The following DOK6 variants were observed in gnomAD, a reference collection of about 807,000 sequenced individuals.
The protein encoded by DOK6 is downstream of tyrosine kinase 6.
A neutral mutation model predicts 44.0 loss-of-function variants in DOK6; 22 were observed. The observed-to-expected ratio is 0.50, with a 90% CI of 0.36 to 0.71. DOK6 has a LOEUF of 0.71. Among genes scored for constraint, DOK6 ranks in the 30% least tolerant of loss-of-function variants. DOK6 has a pLI of 0.00. For missense variants in DOK6, 340 were observed against 416.4 expected, an observed-to-expected ratio of 0.82 and a Z score of 1.60; for synonymous variants, 166 against 145.5, an observed-to-expected ratio of 1.14 and a Z score of -1.01.
At chr18:69,762,532 T>C (rs899844608) in intron 7 of DOK6, among the ~76,000 whole-genome samples, 6 of 152,190 alleles carry the variant, frequency 3.9e-5, no homozygotes, top group African/African-American at 1.4e-4. Context: ...CAGGTAGCAC[T>C]GAGGAATACA....
Position 69,774,075 on chromosome 18 carries a change from A to G in DOK6, c.856+16202A>G, listed in dbSNP as rs1196800026. 4.2e-5 allele frequency among the ~76,000 whole-genome samples: 6 copies of G among 144,220 alleles called. No homozygotes were observed. The East Asian group carries it at 8.0e-4, about 19-fold the overall frequency. The allele number at this position is 144,220 out of a possible 152,430, so 94.6% of individuals were successfully genotyped here. ...GATATATATATATAGATATATATAT[A>G]TGAGATAGATTTATATAGATATATA... On this transcript the variant is annotated intron_variant, in intron 7 of 7. Coordinates refer to ENST00000382713, the MANE Select transcript of DOK6 (RefSeq NM_152721.6).
intron 3 of DOK6, among the ~76,000 whole-genome samples, chr18:69,620,801 G>A (rs1046250029): frequency 8.5e-5 from 13 of 152,132 alleles, no homozygotes; most frequent in African/African-American, 2.4e-4. Context: ...ATTGAGGCAC[G>A]CCTGTAAACC....
intron 2 of DOK6, among the ~76,000 whole-genome samples, chr18:69,572,799 G>A (rs1983146138): frequency 6.6e-6 from 1 of 151,934 alleles, no homozygotes; most frequent in Admixed American, 6.6e-5. Flanking sequence ...TAATATGAAA[G>A]CAAAGAGACC....
In DOK6 at chr18:69,401,166, C is replaced by A. The variant is rs1415297941; in HGVS notation, c.-79C>A. 6 of 1,396,646 alleles carry A rather than the reference C, an allele frequency of 4.3e-6. No individual in the cohort carries two copies. Among genetic ancestry groups the A allele is most frequent in the Middle Eastern group, 1.9e-4 (1 of 5,284 alleles). The allele number at this position is 1,396,646 out of a possible 1,614,324, so 86.5% of individuals were successfully genotyped here. On this transcript the variant is annotated 5_prime_UTR_variant, in exon 1 of 8. Coordinates refer to ENST00000382713, the MANE Select transcript of DOK6 (RefSeq NM_152721.6). ...GCGGCGGCCGGCTGGATGCGAGACCCGCGCAGACCCGGCGGCGGACGGCGG... is the reference window on the plus strand; with the variant it reads ...GCGGCGGCCGGCTGGATGCGAGACCAGCGCAGACCCGGCGGCGGACGGCGG...
chr18:69,605,677 C>T (rs1024530637), intron 3 of DOK6, among the ~76,000 whole-genome samples: 1 of 151,964 alleles, frequency 6.6e-6, no homozygotes, highest in African/African-American at 2.4e-5. Flanking sequence ...AAAAGTATTT[C>T]ACAATATTCA....
At chr18:69,579,781 A>C (rs966185841) in intron 2 of DOK6, among the ~76,000 whole-genome samples, 2 of 151,996 alleles carry the variant, frequency 1.3e-5, no homozygotes, top group Non-Finnish European at 2.9e-5. Flanking sequence ...CGGGATTTTC[A>C]GCATGTTGGC....
chr18:69,601,708 A>G (rs1244418674), intron 3 of DOK6, among the ~76,000 whole-genome samples: 2 of 152,214 alleles, frequency 1.3e-5, no homozygotes, highest in African/African-American at 4.8e-5. Context: ...AGAATTTTAA[A>G]ATAAAACTCC....
chr18:69,606,753 A>T (rs1984005317), intron 3 of DOK6, among the ~76,000 whole-genome samples: 1 of 120,798 alleles, frequency 8.3e-6, no homozygotes, highest in Non-Finnish European at 1.7e-5. Flanking sequence ...AAGATTCAAA[A>T]AGGATTTTTT....
chr18:69,529,874 A>T (rs143706091), intron 1 of DOK6, among the ~76,000 whole-genome samples: 1 of 152,308 alleles, frequency 6.6e-6, no homozygotes, highest in African/African-American at 2.4e-5. Flanking sequence ...ATGTATAATA[A>T]TGATATGTTA....
chr18:69,703,140 C>A (rs1986558628), intron 5 of DOK6, among the ~76,000 whole-genome samples: 1 of 151,918 alleles, frequency 6.6e-6, no homozygotes, highest in Non-Finnish European at 1.5e-5. Context: ...TTCCTAAACA[C>A]TTTGTCTTGG....
intron 5 of DOK6, among the ~76,000 whole-genome samples, chr18:69,708,010 C>T (rs1986673904): frequency 6.6e-6 from 1 of 152,110 alleles, no homozygotes; most frequent in Admixed American, 6.6e-5. Flanking sequence ...CGGATGGTTC[C>T]TTCTTAGCGG....
chr18:69,631,267 G>A (rs1984684796), intron 3 of DOK6, among the ~76,000 whole-genome samples: 1 of 152,156 alleles, frequency 6.6e-6, no homozygotes, highest in South Asian at 2.1e-4. Context: ...CTCCATTAGG[G>A]ATTTGGAGAT....
At chr18:69,708,187 T>G (rs1599276206) in intron 5 of DOK6, among the ~76,000 whole-genome samples, 1 of 152,280 alleles carries the variant, frequency 6.6e-6, no homozygotes, top group Admixed American at 6.5e-5. Flanking sequence ...GTAAACAGAT[T>G]TAAATTTTAG....
chr18:69,634,960 TCTTA>T (rs1353672676), intron 3 of DOK6, among the ~76,000 whole-genome samples: 1 of 152,218 alleles, frequency 6.6e-6, no homozygotes, highest in African/African-American at 2.4e-5. Flanking sequence ...GTAATCTCCT[TCTTA>T]ATTTTCTCCA....
At chr18:69,485,318 A>G (rs940260893) in intron 1 of DOK6, among the ~76,000 whole-genome samples, 1 of 152,168 alleles carries the variant, frequency 6.6e-6, no homozygotes, top group South Asian at 2.1e-4. Context: ...AGTGCTTTCT[A>G]TATCATATAT....
chr18:69,739,198 C>G lies in DOK6; in HGVS notation c.738+95C>G. On this transcript the variant is annotated intron_variant, in intron 6 of 7. Transcript: ENST00000382713. ...ATGTGTGGGGCCATTCATGTCAGCG[C>G]CTGGGTGTCCACCCTGCCCTGATCC... The G allele has an allele frequency of 2.0e-6, 3 of 1,527,278 alleles. No homozygotes were observed. The South Asian group carries it at 3.7e-5, about 19-fold the overall frequency. The allele number at this position is 1,527,278 out of a possible 1,614,324, so 94.6% of individuals were successfully genotyped here.
intron 1 of DOK6, among the ~76,000 whole-genome samples, chr18:69,541,650 A>G (rs1982272033): frequency 6.6e-6 from 1 of 151,530 alleles, no homozygotes; most frequent in Admixed American, 6.6e-5. Flanking sequence ...TGTTTGACAT[A>G]CAAAGTTTTA....
At chr18:69,610,533 T>C (rs1028815821) in intron 3 of DOK6, among the ~76,000 whole-genome samples, 2 of 152,212 alleles carry the variant, frequency 1.3e-5, no homozygotes, top group Non-Finnish European at 2.9e-5. Flanking sequence ...GAATTCTAAT[T>C]AAATCCTTTG....
At position 69,599,443 on chromosome 18, in the gene DOK6, T is replaced by C. The variant is rs149422364; in HGVS notation, c.234T>C (p.His78=). Residue 78 remains histidine (H), a synonymous_variant, in exon 3 of 8, where the codon CAT becomes CAC. Coordinates refer to ENST00000382713, the MANE Select transcript of DOK6 (RefSeq NM_152721.6). Reference sequence around the variant, plus strand: ...GACTGCCCCGAGAGACAAAGAAGCATGCGGTGGCAATCATCTTTCACGATG... The same window carrying C: ...GACTGCCCCGAGAGACAAAGAAGCACGCGGTGGCAATCATCTTTCACGATG... The part of the protein sequence containing the change: ...ITRLPRETKK[H]AVAIIFHDET... The C allele has an allele frequency of 1.1e-5, 17 of 1,613,612 alleles. No homozygotes were observed. Among genetic ancestry groups the C allele is most frequent in the Admixed American group, 3.3e-5 (2 of 59,944 alleles).
Sources: gnomAD v4.1 joint callset for allele counts (sites outside exome capture counted in the v4.1 genomes callset) on GRCh38, gnomAD v4.1.1 for gene constraint, MANE v1.5 for transcripts, NCBI Gene and HGNC (gene_info 2026-07-23, HGNC 2026-07-21) for gene names.